The following DCAF6 variants were observed in gnomAD, a reference collection of about 807,000 sequenced individuals.
DCAF6 encodes the protein DDB1 and CUL4 associated factor 6.
A neutral mutation model predicts 125.1 loss-of-function variants in DCAF6; 54 were observed. The observed-to-expected ratio is 0.43, with a 90% CI of 0.35 to 0.54. The LOEUF (loss-of-function observed/expected upper bound fraction) is 0.54. DCAF6 is among the 20% of genes least tolerant of loss of function. The pLI is 0.01. For synonymous variants in DCAF6, 371 were observed against 390.4 expected, an observed-to-expected ratio of 0.95 and a Z score of 0.58; for missense variants, 934 against 1,161.7, an observed-to-expected ratio of 0.80 and a Z score of 2.85.
At chr1:167,961,136 A>G (rs976543955) in intron 2 of DCAF6, among the ~76,000 whole-genome samples, 4 of 152,128 alleles carry the variant, frequency 2.6e-5, no homozygotes, top group Non-Finnish European at 5.9e-5. Context: ...TTCAAATTCC[A>G]CTTGTTCATT....
At chr1:167,935,669 A>C, upstream of DCAF6, 1 of 1,416,326 alleles carries the variant, frequency 7.1e-7, no homozygotes, top group Non-Finnish European at 9.8e-7. Context: ...AGGGCCTCTA[A>C]AAGGTCCATT....
At chr1:168,031,369 A>G (rs1436787140) in intron 12 of DCAF6, among the ~76,000 whole-genome samples, 8 of 152,188 alleles carry the variant, frequency 5.3e-5, no homozygotes, top group African/African-American at 1.9e-4. Flanking sequence ...CAAATACGAG[A>G]GTGTTGTCTG....
At chr1:167,899,692 T>A in the DCAF6 span, 2 of 1,525,076 alleles carry the variant, frequency 1.3e-6, no homozygotes, top group Admixed American at 1.7e-5. Context: ...GCAGCACAGG[T>A]TTTTGGAAAA....
intron 5 of DCAF6, among the ~76,000 whole-genome samples, chr1:167,988,458 T>A (rs1388932448): frequency 2.6e-5 from 4 of 152,180 alleles, no homozygotes; most frequent in African/African-American, 2.4e-5. Context: ...TGAGCCACTG[T>A]GTTTGACTTT....
Position 167,993,382 on chromosome 1 carries a change from C to T in DCAF6, c.845C>T (p.Pro282Leu), listed in dbSNP as rs561877453. The T allele has an allele frequency of 2.5e-6, 4 of 1,613,708 alleles. No homozygotes were observed. Among genetic ancestry groups the T allele is most frequent in the Middle Eastern group, 3.3e-4 (2 of 6,056 alleles). ...TCAGATTACATATATCTTTTTGACCCGAAAGATGATACAGCACGAGAACTT... is the reference window on the plus strand; with the variant it reads ...TCAGATTACATATATCTTTTTGACCTGAAAGATGATACAGCACGAGAACTT... The part of the protein sequence containing the change: ...YSSDYIYLFD[P>L]KDDTARELKT... The change falls in exon 7 of 22, where the codon CCG becomes CTG. Residue 282 changes from proline (P) to leucine (L), a missense_variant. Coordinates refer to ENST00000367840, the MANE Select transcript of DCAF6 (RefSeq NM_001198956.2).
At chr1:168,005,963 AAGC>A (rs1387394587) in intron 10 of DCAF6, among the ~76,000 whole-genome samples, 3 of 152,186 alleles carry the variant, frequency 2.0e-5, no homozygotes, top group South Asian at 4.1e-4. Context: ...TGGGAATTAA[AAGC>A]AGAAGTAGTT....
intron 17 of DCAF6, among the ~76,000 whole-genome samples, chr1:168,063,132 G>C (rs189472020): frequency 4.2e-4 from 64 of 151,978 alleles, no homozygotes; most frequent in Admixed American, 3.8e-3. Flanking sequence ...ACCTAAAGTA[G>C]TCTGTTTTTG....
the DCAF6 span, among the ~76,000 whole-genome samples, chr1:167,921,039 A>G: frequency 6.6e-6 from 1 of 152,166 alleles, no homozygotes. Flanking sequence ...GGTCATTTGT[A>G]TAGATTCTTC....
intron 2 of DCAF6, among the ~76,000 whole-genome samples, chr1:167,960,933 A>G (rs542807219): frequency 4.9e-4 from 75 of 152,360 alleles, no homozygotes; most frequent in African/African-American, 1.4e-3. Context: ...CAAGTTGGGA[A>G]TAATTGACAT....
rs34954529 is a variant in DCAF6 at position 167,952,175 on chromosome 1, C to CT, written c.159+322dup. On this transcript the variant is annotated intron_variant, in intron 2 of 21. Coordinates refer to ENST00000367840, the MANE Select transcript of DCAF6 (RefSeq NM_001198956.2). ...TAGACATATCACTCAAACATATCCT[C>CT]TTTTTTTTCATACTTTTTTTTGTTT... 3.0e-3 allele frequency among the ~76,000 whole-genome samples: 458 copies of CT among 151,942 alleles called. 2 individuals are homozygous for CT. Among genetic ancestry groups the CT allele is most frequent in the African/African-American group, 9.5e-3 (394 of 41,472 alleles).
the DCAF6 span, among the ~76,000 whole-genome samples, chr1:167,891,949 T>C: frequency 6.6e-6 from 1 of 151,888 alleles, no homozygotes; most frequent in Non-Finnish European, 1.5e-5. Context: ...AATTTCTAAT[T>C]AACCAATGTG....
At chr1:167,944,995 T>C (rs1672842043) in intron 1 of DCAF6, among the ~76,000 whole-genome samples, 1 of 152,210 alleles carries the variant, frequency 6.6e-6, no homozygotes, top group Admixed American at 6.5e-5. Context: ...CCACAGTGTA[T>C]GTTCTTGTCG....
At chr1:167,888,316 T>C in the DCAF6 span, among the ~76,000 whole-genome samples, 5 of 152,152 alleles carry the variant, frequency 3.3e-5, no homozygotes, top group Non-Finnish European at 7.3e-5. Context: ...CTGTGAAGAA[T>C]GTCATTGGTA....
chr1:167,879,928 A>C, the DCAF6 span, among the ~76,000 whole-genome samples: 1 of 152,204 alleles, frequency 6.6e-6, no homozygotes, highest in Non-Finnish European at 1.5e-5. Flanking sequence ...CTCTACTCAT[A>C]CATAGCCCCA....
chr1:168,050,841 G>A (rs949113545), intron 16 of DCAF6, 51 bp from the exon 17 acceptor site: 2 of 1,071,442 alleles, frequency 1.9e-6, no homozygotes, highest in Non-Finnish European at 2.5e-6. Flanking sequence ...TAAATATTTG[G>A]TTCTTTGAAG....
chr1:167,974,758 A>G (rs1397028345), intron 3 of DCAF6, 72 bp from the exon 4 acceptor site: 16 of 1,190,714 alleles, frequency 1.3e-5, no homozygotes, highest in Non-Finnish European at 1.7e-5. Context: ...ATTACTGGCT[A>G]TGATTATATT....
chr1:167,893,762 T>C, the DCAF6 span: 1 of 762,716 alleles, frequency 1.3e-6, no homozygotes, highest in Non-Finnish European at 2.3e-6. Context: ...TATTTACTAG[T>C]AGCTGCTGTT....
At chr1:167,985,184 CGTGTGTGTGTGTGTGTGTGTGTGTGTG>C (rs1165590474) in intron 4 of DCAF6, among the ~76,000 whole-genome samples, 3 of 146,944 alleles carry the variant, frequency 2.0e-5, no homozygotes, top group Non-Finnish European at 4.5e-5. Flanking sequence ...CAAACCACGT[CGTGTGTGTGTGTGTGTGTGTGTGTGTG>C]GTGTGTGTGT....
intron 10 of DCAF6, among the ~76,000 whole-genome samples, chr1:168,009,358 CCTT>C (rs1557970820): frequency 0.01 from 1,329 of 131,596 alleles, 20 homozygotes; most frequent in African/African-American, 0.043. Flanking sequence ...TTCCTTCCTT[CCTT>C]CCTTCCTTCC....
Sources: allele counts gnomAD v4.1 joint callset (sites outside exome capture counted in the v4.1 genomes callset), GRCh38; gene constraint gnomAD v4.1.1; transcripts MANE v1.5; gene names NCBI Gene and HGNC (gene_info 2026-07-23, HGNC 2026-07-21).